Variants in MAGI1 observed in about 807,000 individuals in gnomAD.
MAGI1 encodes the protein membrane associated guanylate kinase, WW and PDZ domain containing 1.
In MAGI1, 58 loss-of-function variants were observed where a neutral mutation model predicts 139.9. The observed-to-expected ratio is 0.41, with a 90% CI of 0.34 to 0.52. The LOEUF (loss-of-function observed/expected upper bound fraction) is 0.52. MAGI1 is among the 20% of genes least tolerant of loss of function. The probability of loss-of-function intolerance (pLI) is 0.12; values close to 1 mark genes in which losing one functional copy is unlikely to be tolerated. For missense variants in MAGI1, 1,874 were observed against 1,901.6 expected (o/e 0.99, Z 0.27); for synonymous variants, 812 against 737.9 (o/e 1.10, Z -1.63).
intron 1 of MAGI1, among the ~76,000 whole-genome samples, chr3:65,954,715 T>G (rs1486639111): frequency 6.6e-6 from 1 of 152,132 alleles, no homozygotes; most frequent in Non-Finnish European, 1.5e-5. Context: ...TGCCACTTGT[T>G]GCTGGAGGAA....
At chr3:65,834,986 G>A (rs1400767042) in intron 1 of MAGI1, among the ~76,000 whole-genome samples, 1 of 152,142 alleles carries the variant, frequency 6.6e-6, no homozygotes, top group Non-Finnish European at 1.5e-5. Flanking sequence ...CATTTGAAGT[G>A]AGTTTCTTGA....
At chr3:65,941,833 C>T (rs766442483) in intron 1 of MAGI1, among the ~76,000 whole-genome samples, 9 of 152,186 alleles carry the variant, frequency 5.9e-5, no homozygotes, top group Non-Finnish European at 1.3e-4. Flanking sequence ...ACTCTGCTGA[C>T]CAGGCTGGAG....
intron 13 of MAGI1, among the ~76,000 whole-genome samples, chr3:65,394,571 A>G (rs1169957644): frequency 1.3e-5 from 2 of 152,218 alleles, no homozygotes; most frequent in Non-Finnish European, 2.9e-5. Context: ...TTCCTTCTCA[A>G]GTTCAATTAT....
chr3:65,870,900 A>T (rs77783765), intron 1 of MAGI1, among the ~76,000 whole-genome samples: 3,898 of 151,970 alleles, frequency 0.026, 139 homozygotes, highest in East Asian at 0.11. Flanking sequence ...CTGGGCAATA[A>T]ATTGAGATGA....
intron 1 of MAGI1, among the ~76,000 whole-genome samples, chr3:65,950,349 C>T (rs1051131277): frequency 1.3e-5 from 2 of 151,930 alleles, no homozygotes; most frequent in East Asian, 1.9e-4. Context: ...TCTTTGAAGC[C>T]TCAAAGAACC....
intron 1 of MAGI1, among the ~76,000 whole-genome samples, chr3:65,977,985 T>C (rs1389349907): frequency 6.6e-6 from 1 of 152,202 alleles, no homozygotes; most frequent in African/African-American, 2.4e-5. Flanking sequence ...CCCTGACCAG[T>C]GCATCTAACA....
chr3:65,695,028 G>A (rs2089026281), intron 1 of MAGI1, among the ~76,000 whole-genome samples: 1 of 152,128 alleles, frequency 6.6e-6, no homozygotes, highest in Admixed American at 6.5e-5. Flanking sequence ...AATTAGATGG[G>A]CATTTATTAC....
At chr3:65,922,382 C>T (rs909240818) in intron 1 of MAGI1, among the ~76,000 whole-genome samples, 4 of 152,070 alleles carry the variant, frequency 2.6e-5, no homozygotes, top group Non-Finnish European at 4.4e-5. Flanking sequence ...TCCCTAAAAC[C>T]AATATGACTG....
chr3:65,557,711 C>G lies in MAGI1; in HGVS notation c.431-64080G>C, dbSNP rs147176528. 1.3e-3 allele frequency among the ~76,000 whole-genome samples: 201 copies of G among 152,256 alleles called. 1 individual carries two copies. The highest frequency in any genetic ancestry group is 4.5e-3 in the African/African-American group (189 of 41,552). On this transcript the variant is annotated intron_variant, in intron 2 of 22. Coordinates refer to ENST00000402939, the MANE Select transcript of MAGI1 (RefSeq NM_001033057.2). ...GTGCCAGTCTCCTCATCAGTTTTGT[C>G]TCCTAATCTTACCACAGTATTTCCA...
At chr3:65,740,841 C>T (rs528912271) in intron 1 of MAGI1, among the ~76,000 whole-genome samples, 1 of 152,310 alleles carries the variant, frequency 6.6e-6, no homozygotes, top group African/African-American at 2.4e-5. Flanking sequence ...TATGTGACCC[C>T]ATTTTTGTAT....
Position 65,509,497 on chromosome 3 carries a change from C to T in MAGI1, c.431-15866G>A, listed in dbSNP as rs529012551. On this transcript the variant is annotated intron_variant, in intron 2 of 22. Coordinates refer to ENST00000402939, the MANE Select transcript of MAGI1 (RefSeq NM_001033057.2). ...GTGAGGCACTGCCTCACTTGGGAAG[C>T]GCAAGGGGCCAGGGAGTTCCCTTTC... is the stretch of plus-strand genomic sequence containing the variant. Among the ~76,000 whole-genome samples the T allele has an allele frequency of 3.9e-5, 6 of 152,272 alleles. No homozygotes were observed. In the South Asian group the frequency reaches 6.2e-4, roughly 16 times the overall value.
chr3:65,557,726 CA>C (rs1304437421), intron 2 of MAGI1, among the ~76,000 whole-genome samples: 1 of 152,126 alleles, frequency 6.6e-6, no homozygotes, highest in Non-Finnish European at 1.5e-5. Flanking sequence ...AATCTTACCA[CA>C]GTATTTCCAG....
At chr3:65,754,656 T>G (rs554369865) in intron 1 of MAGI1, among the ~76,000 whole-genome samples, 2 of 152,334 alleles carry the variant, frequency 1.3e-5, no homozygotes, top group South Asian at 4.1e-4. Context: ...TTTAGGCAGC[T>G]AAAAGAACCA....
In MAGI1 at chr3:65,684,868, AT is replaced by A. The variant is rs761948943; in HGVS notation, c.314-62781del. Among the ~76,000 whole-genome samples the A allele has an allele frequency of 5.2e-3, 511 of 98,154 alleles. 1 individual carries two copies. The highest frequency in any genetic ancestry group is 0.022 in the African/African-American group (383 of 17,688). The allele number at this position is 98,154 out of a possible 152,430, so 64.4% of individuals were successfully genotyped here. On this transcript the variant is annotated intron_variant, in intron 1 of 22. Coordinates refer to ENST00000402939, the MANE Select transcript of MAGI1 (RefSeq NM_001033057.2). ...AGGTGCAAGCCACCACACCTGGCTAATTTTTTTTTTTTTTTTTTTTTTTTTT... is the reference window on the plus strand; with the variant it reads ...AGGTGCAAGCCACCACACCTGGCTAATTTTTTTTTTTTTTTTTTTTTTTTT...
chr3:65,462,479 T>C (rs1260794146), intron 5 of MAGI1, among the ~76,000 whole-genome samples: 1 of 152,228 alleles, frequency 6.6e-6, no homozygotes, highest in Admixed American at 6.5e-5. Flanking sequence ...TTGGTCTATA[T>C]ATCTGTTTTG....
intron 1 of MAGI1, among the ~76,000 whole-genome samples, chr3:66,036,500 G>T (rs555034993): frequency 4.6e-5 from 7 of 152,312 alleles, no homozygotes; most frequent in South Asian, 2.1e-4. Context: ...AAAGGAGGAA[G>T]AATTTGTGCA....
rs192358827 is a variant in MAGI1, at chr3:65,854,583, T to C, written c.313+183413A>G. ...CTGAAAAATGGATAACTTTGCAATATGTTCATGGAAAAGCTCAATGCTGTT... is the reference window on the plus strand; with the variant it reads ...CTGAAAAATGGATAACTTTGCAATACGTTCATGGAAAAGCTCAATGCTGTT... On this transcript the variant is annotated intron_variant, in intron 1 of 22. Coordinates refer to ENST00000402939, the MANE Select transcript of MAGI1 (RefSeq NM_001033057.2). Among the ~76,000 whole-genome samples the C allele has an allele frequency of 4.5e-4, 69 of 152,358 alleles. 1 individual carries two copies. The highest frequency in any genetic ancestry group is 6.8e-3 in the Middle Eastern group (2 of 294).
At chr3:65,662,115 T>C (rs1330111508) in intron 1 of MAGI1, among the ~76,000 whole-genome samples, 1 of 152,072 alleles carries the variant, frequency 6.6e-6, no homozygotes, top group East Asian at 1.9e-4. Context: ...CTTTCACAAG[T>C]TCAGGATGGA....
intron 2 of MAGI1, among the ~76,000 whole-genome samples, chr3:65,504,443 C>T (rs370881513): frequency 1.3e-5 from 2 of 152,132 alleles, no homozygotes; most frequent in East Asian, 1.9e-4. Flanking sequence ...AAAACATGCA[C>T]ACATTATGTG....
Sources: allele counts gnomAD v4.1 joint callset (sites outside exome capture counted in the v4.1 genomes callset), GRCh38; gene constraint gnomAD v4.1.1; transcripts MANE v1.5; gene names NCBI Gene and HGNC (gene_info 2026-07-23, HGNC 2026-07-21).